Variants in ITGA1 observed in about 807,000 individuals in gnomAD.
The protein encoded by ITGA1 is integrin subunit alpha 1.
ITGA1 carries 85 observed loss-of-function variants against 145.9 expected under a neutral mutation model. The ratio of observed to expected loss-of-function variants is 0.58; its 90% CI spans 0.49 to 0.70. The LOEUF is 0.70. ITGA1 is among the 30% of genes least tolerant of loss of function. The pLI is 0.00. For synonymous variants in ITGA1, 520 were observed against 495.3 expected, an observed-to-expected ratio of 1.05 and a Z score of -0.66; for missense variants, 1,351 against 1,418.7, an observed-to-expected ratio of 0.95 and a Z score of 0.77.
intron 1 of ITGA1, chr5:52,801,354 A>AT: frequency 6.9e-7 from 1 of 1,451,256 alleles, no homozygotes; most frequent in Non-Finnish European, 9.5e-7. Context: ...TTGTGAGCTG[A>AT]TTAATGGGTG....
At chr5:52,915,748 T>C (rs945936281) in intron 15 of ITGA1, among the ~76,000 whole-genome samples, 154 bp downstream of exon 15, 2 of 152,232 alleles carry the variant, frequency 1.3e-5, no homozygotes, top group Non-Finnish European at 2.9e-5. Context: ...GAAGAGTCAA[T>C]ACATCTTAAG....
intron 18 of ITGA1, among the ~76,000 whole-genome samples, chr5:52,924,068 G>A (rs1750768056): frequency 2.0e-5 from 3 of 152,168 alleles, no homozygotes; most frequent in South Asian, 4.1e-4. Context: ...GAGAGAAGAG[G>A]GAGGGTGTCA....
At position 52,910,992 on chromosome 5, in the gene ITGA1, ATATAGTATG is replaced by A. The variant is rs1750506925; in HGVS notation, c.1857+578_1857+586del. Among the ~76,000 whole-genome samples the A allele has an allele frequency of 6.4e-5, 8 of 124,922 alleles. No individual in the cohort carries two copies. The South Asian group carries it at 1.9e-3, about 30-fold the overall frequency. The allele number at this position is 124,922 out of a possible 152,430, so 82.0% of individuals were successfully genotyped here. ...ATACTATATATAGTATGTATACTATATATAGTATGTATACTGTATATACTATATATAGTA... is the reference window on the plus strand; with the variant it reads ...ATACTATATATAGTATGTATACTATATATACTGTATATACTATATATAGTA... On this transcript the variant is annotated intron_variant, in intron 14 of 28. Transcript: ENST00000282588.
intron 1 of ITGA1, among the ~76,000 whole-genome samples, chr5:52,843,881 G>A (rs370503324): frequency 2.0e-5 from 3 of 152,082 alleles, no homozygotes; most frequent in African/African-American, 4.8e-5. Flanking sequence ...CACAAAAAGA[G>A]GGGAATGTCT....
rs200481463 is a variant in ITGA1 at position 52,908,979 on chromosome 5, C to T, written c.1537C>T (p.Pro513Ser). The T allele has an allele frequency of 3.0e-5, 49 of 1,613,732 alleles. No homozygotes were observed. The East Asian group carries it at 1.1e-3, about 36-fold the overall frequency. ...TACTGACATTCTTCTAGTCGGAGCC[C>T]CTATGTACATGGGAACAGAGAAGGA... ...SNTDILLVGA[P>S]MYMGTEKEEQ... The change falls in exon 13 of 29, where the codon CCT becomes TCT. Residue 513 changes from proline to serine, a missense_variant. Physicochemically the swap from Pro to Ser is moderately conservative, Grantham distance 74. Coordinates refer to ENST00000282588, the MANE Select transcript of ITGA1 (RefSeq NM_181501.2).
chr5:52,819,192 T>C (rs925096076), intron 1 of ITGA1, among the ~76,000 whole-genome samples: 9 of 152,348 alleles, frequency 5.9e-5, no homozygotes, highest in African/African-American at 2.2e-4. Flanking sequence ...AAATGGTATT[T>C]CTAGTTCTAG....
intron 26 of ITGA1, among the ~76,000 whole-genome samples, chr5:52,943,021 A>AAGAT (rs1393740811): frequency 6.6e-6 from 1 of 152,120 alleles, no homozygotes; most frequent in African/African-American, 2.4e-5. Context: ...CAGTGGAAAA[A>AAGAT]AGATAGCTTG....
chr5:52,939,750 C>G (rs775788829), intron 25 of ITGA1, 59 bp downstream of exon 25: 1 of 1,458,520 alleles, frequency 6.9e-7, no homozygotes, highest in Non-Finnish European at 9.6e-7. Context: ...AAATTGATAT[C>G]AATCTAGAAA....
rs771332018 is a variant in ITGA1 at position 52,937,524 on chromosome 5, G to A, written c.3078+10G>A. 1.2e-5 allele frequency: 17 copies of A among 1,476,388 alleles called. No individual in the cohort carries two copies. The East Asian group carries it at 3.6e-4, about 31-fold the overall frequency. 91.5% of individuals were successfully genotyped at this position (1,476,388 alleles called of 1,614,324 possible). ...ATTGTCATCTTCTGAGGTAAGTCAT[G>A]TGTGCCTTGGAATTATGTCATTACT... On this transcript the variant is annotated intron_variant, in intron 24 of 28. Transcript: ENST00000282588.
At chr5:52,814,846 G>A (rs1409756978) in intron 1 of ITGA1, among the ~76,000 whole-genome samples, 1 of 152,070 alleles carries the variant, frequency 6.6e-6, no homozygotes, top group African/African-American at 2.4e-5. Context: ...ATTTCAGCCA[G>A]GAATTTGATA....
At chr5:52,844,464 A>G (rs1749304258) in intron 1 of ITGA1, among the ~76,000 whole-genome samples, 1 of 152,194 alleles carries the variant, frequency 6.6e-6, no homozygotes, top group South Asian at 2.1e-4. Context: ...TTGAATTAAT[A>G]TGAATAGTGG....
At chr5:52,861,614 TAATCCCCACACTTTAAGAGGTCAAG>T in intron 3 of ITGA1, 55 bp downstream of exon 3, 1 of 998,014 alleles carries the variant, frequency 1.0e-6, no homozygotes. Flanking sequence ...GTCACGCCTG[TAATCCCCACACTTTAAGAGGTCAAG>T]ACAGGCATAT....
intron 6 of ITGA1, among the ~76,000 whole-genome samples, chr5:52,880,199 T>C (rs181567081): frequency 4.4e-4 from 67 of 152,304 alleles, no homozygotes; most frequent in African/African-American, 1.2e-3. Flanking sequence ...CATCTTAGAC[T>C]AGACCCCCCT....
rs7729947 is a variant in ITGA1 at position 52,956,669 on chromosome 5, G to A, written c.*4218G>A. 2 of 151,996 alleles carry A rather than the reference G, an allele frequency of 1.3e-5. No homozygotes were observed. Among genetic ancestry groups the A allele is most frequent in the African/African-American group, 4.8e-5 (2 of 41,342 alleles). 9.4% of individuals were successfully genotyped at this position (151,996 alleles called of 1,614,324 possible). The stretch of plus-strand genomic sequence containing the variant: ...GGGACACTATCAGCAACTACGCCTG[G>A]GGAAGCTAGCAGGATTTAGCTCTTC... On this transcript the variant is annotated 3_prime_UTR_variant, in exon 29 of 29. Transcript: ENST00000282588.
At chr5:52,930,412 A>G (rs1750877477) in intron 21 of ITGA1, among the ~76,000 whole-genome samples, 1 of 152,176 alleles carries the variant, frequency 6.6e-6, no homozygotes, top group Non-Finnish European at 1.5e-5. Flanking sequence ...TCTATTATGC[A>G]CAAGATATTG....
intron 1 of ITGA1, among the ~76,000 whole-genome samples, chr5:52,836,488 C>T (rs1224697835): frequency 1.3e-5 from 2 of 151,934 alleles, no homozygotes; most frequent in East Asian, 1.9e-4. Context: ...TTTTTGGTCC[C>T]GCCTTGGAAG....
rs1561246488 is a variant in ITGA1, at chr5:52,911,690, A to ACATATAGTGTATCTACTATATATACTG, written c.1857+1271_1857+1272insCATATAGTGTATCTACTATATATACTG. 2.3e-4 allele frequency among the ~76,000 whole-genome samples: 29 copies of ACATATAGTGTATCTACTATATATACTG among 123,426 alleles called. 1 individual carries two copies. The highest frequency in any genetic ancestry group is 1.0e-3 in the African/African-American group (28 of 27,118). 81.0% of individuals were successfully genotyped at this position (123,426 alleles called of 152,430 possible). A position where few individuals can be genotyped will look rare whatever the true frequency, so the allele number is the denominator to read the frequency against. ...ATATAGTGTATCTACTATATATACT[A>ACATATAGTGTATCTACTATATATACTG]TACATATAGTGTATCTACTATATAT... On this transcript the variant is annotated intron_variant, in intron 14 of 28. Transcript: ENST00000282588.
intron 6 of ITGA1, among the ~76,000 whole-genome samples, chr5:52,875,297 G>A (rs1268905544): frequency 1.3e-5 from 2 of 150,906 alleles, no homozygotes; most frequent in Non-Finnish European, 3.0e-5. Flanking sequence ...AAAAAAAAAA[G>A]TGAGTGGATA....
rs149226476 is a variant in ITGA1 at position 52,900,092 on chromosome 5, A to C, written c.1309+1709A>C. Among the ~76,000 whole-genome samples, 437 of 152,310 alleles carry C rather than the reference A, an allele frequency of 2.9e-3. 5 individuals are homozygous for C. The highest frequency in any genetic ancestry group is 0.014 in the Middle Eastern group (4 of 294). ...AACCTTACTTTTTTGGGTGAGAGAC[A>C]ATAATGAAACAAGCAATCACTATCA... On this transcript the variant is annotated intron_variant, in intron 11 of 28. Coordinates refer to ENST00000282588, the MANE Select transcript of ITGA1 (RefSeq NM_181501.2).
Sources: gnomAD v4.1 joint callset for allele counts (sites outside exome capture counted in the v4.1 genomes callset) on GRCh38, gnomAD v4.1.1 for gene constraint, MANE v1.5 for transcripts, NCBI Gene and HGNC (gene_info 2026-07-23, HGNC 2026-07-21) for gene names.